The following MICAL2 variants were observed in gnomAD, a reference collection of about 807,000 sequenced individuals.
MICAL2 encodes the protein microtubule associated monooxygenase, calponin and LIM domain containing 2.
Under a neutral mutation model 127.3 loss-of-function variants are expected in MICAL2, and 77 were observed. That is an observed-to-expected ratio of 0.60 (90% CI 0.50 to 0.73). MICAL2 has a LOEUF of 0.73. MICAL2 is among the 30% of genes least tolerant of loss of function. MICAL2 has a pLI of 0.00. For synonymous variants in MICAL2, 570 were observed against 551.1 expected (o/e 1.03, Z -0.48); for missense variants, 1,351 against 1,434.4 (o/e 0.94, Z 0.94).
At position 12,202,560 on chromosome 11, in the gene MICAL2, A is replaced by G. The variant is rs1348827412; in HGVS notation, c.265-1690A>G. Among the ~76,000 whole-genome samples, 61 of 152,064 alleles carry G rather than the reference A, an allele frequency of 4.0e-4. 2 individuals are homozygous for G. Among genetic ancestry groups the G allele is most frequent in the Admixed American group, 4.0e-3 (61 of 15,264 alleles). On this transcript the variant is annotated intron_variant, in intron 3 of 27. Transcript: ENST00000683283. ...GTAGGCTAAAATAATAATTTTAAAG[A>G]CTCTCCTCTGTGAAAATCTTTTCCA...
chr11:12,289,678 C>T (rs1863872695), downstream of MICAL2, among the ~76,000 whole-genome samples: 2 of 151,838 alleles, frequency 1.3e-5, no homozygotes, highest in South Asian at 4.2e-4. Flanking sequence ...AAGTGATCCT[C>T]CCACCTCAGC....
At chr11:12,328,420 C>T (rs1302022603) in intron 32 of MICAL2, among the ~76,000 whole-genome samples, 1 of 151,990 alleles carries the variant, frequency 6.6e-6, no homozygotes, top group Non-Finnish European at 1.5e-5. Context: ...AAGATGAGAA[C>T]CAGAGGAGGA....
intron 3 of MICAL2, among the ~76,000 whole-genome samples, chr11:12,171,499 C>T (rs181668558): frequency 6.6e-6 from 1 of 152,316 alleles, no homozygotes; most frequent in East Asian, 1.9e-4. Context: ...AGATAATTGT[C>T]CCACTTGATG....
chr11:12,203,462 T>G (rs547535080), intron 3 of MICAL2, among the ~76,000 whole-genome samples: 1 of 152,228 alleles, frequency 6.6e-6, no homozygotes, highest in Non-Finnish European at 1.5e-5. Flanking sequence ...CCAGTGGGTG[T>G]GAAGTGATTT....
At chr11:12,244,293 C>G (rs1334269379) in intron 21 of MICAL2, among the ~76,000 whole-genome samples, 181 bp downstream of exon 21, 1 of 152,190 alleles carries the variant, frequency 6.6e-6, no homozygotes, top group Non-Finnish European at 1.5e-5. Context: ...CACGGCAGAA[C>G]AGGCAGTGTA....
At chr11:12,265,569 A>G (rs150179373), downstream of MICAL2, among the ~76,000 whole-genome samples, 1 of 152,240 alleles carries the variant, frequency 6.6e-6, no homozygotes, top group Non-Finnish European at 1.5e-5. Flanking sequence ...AGGGAAAAAT[A>G]TGAACTAAAT....
At chr11:12,219,482 C>T (rs1856559078) in intron 8 of MICAL2, among the ~76,000 whole-genome samples, 1 of 127,978 alleles carries the variant, frequency 7.8e-6, no homozygotes. Context: ...GAGCCAAAAT[C>T]ACACCATTGC....
intron 21 of MICAL2, among the ~76,000 whole-genome samples, chr11:12,244,645 A>G (rs1860451883): frequency 6.6e-6 from 1 of 152,168 alleles, no homozygotes; most frequent in South Asian, 2.1e-4. Context: ...AGAGAAGGTA[A>G]TATGGGAACT....
exon 35 of MICAL2, chr11:12,358,466 T>G (rs1939162604): frequency 2.5e-6 from 4 of 1,614,018 alleles, no homozygotes; most frequent in Admixed American, 1.7e-5. Context: ...GGCTGTCAGC[T>G]GAGCAGGACT....
Position 12,242,306 on chromosome 11 carries a change from A to T in MICAL2, c.2430A>T (p.Arg810Ser). 6.2e-7 allele frequency: 1 copy of T among 1,614,156 alleles called. No homozygotes were observed. Among genetic ancestry groups the T allele is most frequent in the East Asian group, 2.2e-5 (1 of 44,884 alleles). The change falls in exon 19 of 28, where the codon AGA becomes AGT. Residue 810 changes from arginine to serine, a missense_variant. This residue lies in a region of MICAL2 where 752 missense variants were observed against 719.4 expected (regional missense o/e 1.05). Transcript: ENST00000683283. ...GCCTGAGCAGACCTTGGAGAGCCAG[A>T]GCCAAGTCTGACCTACAGCTGGGTG... is the stretch of plus-strand genomic sequence containing the variant. The part of the protein sequence containing the change: ...SECLSRPWRA[R>S]AKSDLQLGGT...
chr11:12,169,665 T>C (rs1300836855), intron 3 of MICAL2, among the ~76,000 whole-genome samples: 3 of 152,238 alleles, frequency 2.0e-5, no homozygotes, highest in South Asian at 2.1e-4. Flanking sequence ...ATTACAGGCA[T>C]GAGCCACCAC....
chr11:12,314,801 C>T (rs1011933234), intron 29 of MICAL2, among the ~76,000 whole-genome samples: 1 of 151,944 alleles, frequency 6.6e-6, no homozygotes, highest in East Asian at 1.9e-4. Context: ...ACTTTAAACT[C>T]CATTTATCTT....
At position 12,226,229 on chromosome 11, in the gene MICAL2, G is replaced by A. The variant is rs779617772; in HGVS notation, c.1747G>A (p.Val583Met). Residue 583 changes from valine to methionine, a missense_variant, in exon 14 of 28, where the codon GTG (valine) becomes ATG (methionine). Val to Met is a conservative substitution (Grantham distance 21). Coordinates refer to ENST00000683283, the MANE Select transcript of MICAL2 (RefSeq NM_001282663.2). ...AVENNQLAFD[V>M]AEREFGIPPV... ...GGAGAACAACCAGCTCGCATTTGAT[G>A]TGGCCGAGCGAGAGTTTGGGATCCC... The A allele has an allele frequency of 1.1e-5, 18 of 1,614,136 alleles. No individual in the cohort carries two copies. Among genetic ancestry groups the A allele is most frequent in the Non-Finnish European group, 8.5e-7 (1 of 1,180,056 alleles).
At chr11:12,136,714 T>C (rs1473230912) in intron 1 of MICAL2, among the ~76,000 whole-genome samples, 2 of 152,124 alleles carry the variant, frequency 1.3e-5, no homozygotes, top group African/African-American at 2.4e-5. Context: ...GGCTTGTTGG[T>C]CAGACAAAGG....
intron 13 of MICAL2, 28 bp from the exon 14 acceptor site, chr11:12,226,143 A>G (rs1857414422): frequency 6.2e-7 from 1 of 1,612,740 alleles, no homozygotes; most frequent in Non-Finnish European, 8.5e-7. Flanking sequence ...CTCTCCCTGA[A>G]TTTCTCTGCT....
chr11:12,261,959 A>G, intron 26 of MICAL2: 1 of 989,372 alleles, frequency 1.0e-6, no homozygotes, highest in South Asian at 4.6e-5. Flanking sequence ...TCTTCAGCTC[A>G]GGATAGGCTG....
chr11:12,302,091 G>T (rs931072184), intron 29 of MICAL2, among the ~76,000 whole-genome samples: 19 of 152,162 alleles, frequency 1.2e-4, no homozygotes, highest in Non-Finnish European at 2.1e-4. Context: ...TAGTGATTGG[G>T]TCCTGAGCTT....
At chr11:12,334,861 A>C (rs1424863323) in intron 32 of MICAL2, among the ~76,000 whole-genome samples, 1 of 152,010 alleles carries the variant, frequency 6.6e-6, no homozygotes, top group Non-Finnish European at 1.5e-5. Context: ...ATTGATGGAC[A>C]TTTGGGTTGG....
chr11:12,344,478 T>A (rs1048340197), intron 32 of MICAL2, among the ~76,000 whole-genome samples: 1 of 101,510 alleles, frequency 9.9e-6, no homozygotes, highest in African/African-American at 4.9e-5. Context: ...GAAACTATTA[T>A]TATTATTATT....
Sources: gnomAD v4.1 joint callset for allele counts (sites outside exome capture counted in the v4.1 genomes callset) on GRCh38, gnomAD v4.1.1 for gene constraint, gnomAD v4.1.1 regional missense constraint, MANE v1.5 for transcripts, NCBI Gene and HGNC (gene_info 2026-07-23, HGNC 2026-07-21) for gene names.